TACR1: variants seen among roughly 807,000 people sequenced by gnomAD.
TACR1 encodes tachykinin receptor 1.
In TACR1, 25 loss-of-function variants were observed where a neutral mutation model predicts 35.8. That is an observed-to-expected ratio of 0.70 (90% CI 0.51 to 0.98). TACR1 has a LOEUF of 0.98. Among genes scored for constraint, TACR1 ranks in the 50% least tolerant of loss-of-function variants. The pLI, the probability that TACR1 is intolerant of heterozygous loss-of-function variation, is 0.00. For synonymous variants in TACR1, 195 were observed against 206.7 expected (o/e 0.94, Z 0.48); for missense variants, 478 against 522.9 (o/e 0.91, Z 0.84).
At chr2:75,098,826 A>T (rs990558530) in intron 2 of TACR1, among the ~76,000 whole-genome samples, 1 of 152,018 alleles carries the variant, frequency 6.6e-6, no homozygotes. Flanking sequence ...TTGAAATTTT[A>T]GGAATGTTCT....
chr2:75,153,577 T>C (rs1489066456), intron 1 of TACR1, among the ~76,000 whole-genome samples: 2 of 152,216 alleles, frequency 1.3e-5, no homozygotes, highest in African/African-American at 4.8e-5. Context: ...AAGATTTGTT[T>C]ATAGGATCAG....
chr2:75,159,512 A>G (rs1308772605), intron 1 of TACR1, among the ~76,000 whole-genome samples: 1 of 152,208 alleles, frequency 6.6e-6, no homozygotes, highest in Non-Finnish European at 1.5e-5. Flanking sequence ...AAGAATTTCC[A>G]CTAGCCAAAG....
intron 2 of TACR1, among the ~76,000 whole-genome samples, chr2:75,069,351 A>T (rs1204873627): frequency 6.6e-6 from 1 of 151,408 alleles, no homozygotes. Flanking sequence ...TTTATTTATT[A>T]ATATAGTGAG....
intron 2 of TACR1, among the ~76,000 whole-genome samples, chr2:75,084,138 G>A (rs905927655): frequency 7.9e-5 from 12 of 152,136 alleles, no homozygotes; most frequent in Non-Finnish European, 1.6e-4. Flanking sequence ...TAGCATGAAG[G>A]GCTGTTGAAT....
At chr2:75,109,349 G>A (rs574432866) in intron 2 of TACR1, among the ~76,000 whole-genome samples, 3 of 152,238 alleles carry the variant, frequency 2.0e-5, no homozygotes, top group African/African-American at 7.2e-5. Flanking sequence ...GGGAAGGGCA[G>A]AACCACAGCA....
chr2:75,110,478 C>T (rs1344154104), intron 2 of TACR1, among the ~76,000 whole-genome samples: 4 of 151,624 alleles, frequency 2.6e-5, no homozygotes, highest in South Asian at 2.1e-4. Flanking sequence ...AAAAACATTG[C>T]GTATTAAATT....
intron 1 of TACR1, among the ~76,000 whole-genome samples, chr2:75,161,770 G>A (rs1019970607): frequency 6.6e-6 from 1 of 151,866 alleles, no homozygotes; most frequent in African/African-American, 2.4e-5. Flanking sequence ...GACTCTAAAA[G>A]GTCAGAAGCA....
chr2:75,063,180 G>A (rs187231317), intron 2 of TACR1, among the ~76,000 whole-genome samples: 3 of 152,174 alleles, frequency 2.0e-5, no homozygotes, highest in South Asian at 2.1e-4. Flanking sequence ...TTCACAACAC[G>A]TGGGAATTCA....
At chr2:75,137,793 C>G (rs1247398722) in intron 1 of TACR1, among the ~76,000 whole-genome samples, 1 of 147,474 alleles carries the variant, frequency 6.8e-6, no homozygotes, top group Admixed American at 6.8e-5. Flanking sequence ...CAGGAAGACT[C>G]TTTGGCCCCT....
chr2:75,069,253 G>C (rs1672828451), intron 2 of TACR1, among the ~76,000 whole-genome samples: 2 of 151,552 alleles, frequency 1.3e-5, no homozygotes, highest in African/African-American at 4.9e-5. Flanking sequence ...CGCAGTCTTG[G>C]GTATGTCTTT....
chr2:75,114,363 A>AT (rs1023305081), intron 2 of TACR1, among the ~76,000 whole-genome samples: 2 of 152,102 alleles, frequency 1.3e-5, no homozygotes, highest in African/African-American at 2.4e-5. Context: ...TCTAAATCTC[A>AT]TTTTTTTGGA....
chr2:75,069,310 A>T (rs1015094111), intron 2 of TACR1, among the ~76,000 whole-genome samples: 2 of 139,078 alleles, frequency 1.4e-5, no homozygotes, highest in African/African-American at 5.9e-5. Context: ...ATATATATGT[A>T]TATGTATATC....
chr2:75,128,706 G>A (rs1182025649), intron 1 of TACR1, among the ~76,000 whole-genome samples: 1 of 152,168 alleles, frequency 6.6e-6, no homozygotes, highest in Non-Finnish European at 1.5e-5. Flanking sequence ...CACAATGGAA[G>A]GTGAGTAAAG....
At chr2:75,050,638 G>A (rs1224908888) in intron 4 of TACR1, among the ~76,000 whole-genome samples, 1 of 152,194 alleles carries the variant, frequency 6.6e-6, no homozygotes, top group African/African-American at 2.4e-5. Flanking sequence ...GCCATCTGCA[G>A]GATGGCTCTC....
At chr2:75,176,041 A>G (rs1267321763) in intron 1 of TACR1, among the ~76,000 whole-genome samples, 1 of 150,720 alleles carries the variant, frequency 6.6e-6, no homozygotes, top group African/African-American at 2.4e-5. Context: ...AAGGAAACAG[A>G]AAAAAGAAAC....
At chr2:75,065,286 G>C (rs146038286) in intron 2 of TACR1, among the ~76,000 whole-genome samples, 2 of 152,340 alleles carry the variant, frequency 1.3e-5, no homozygotes, top group East Asian at 3.9e-4. Context: ...TCATGGTGCA[G>C]TTTTCCAGTA....
intron 1 of TACR1, among the ~76,000 whole-genome samples, chr2:75,150,997 A>G (rs1348936071): frequency 6.6e-6 from 1 of 152,206 alleles, no homozygotes; most frequent in African/African-American, 2.4e-5. Flanking sequence ...GATTTGTGGA[A>G]CTTTGAACTT....
At chr2:75,111,071 A>C (rs1673740498) in intron 2 of TACR1, among the ~76,000 whole-genome samples, 2 of 151,918 alleles carry the variant, frequency 1.3e-5, no homozygotes, top group Admixed American at 6.5e-5. Flanking sequence ...ACTCTTATTG[A>C]TAAGTTGCAG....
At chr2:75,183,292 C>G (rs376520676) in intron 1 of TACR1, among the ~76,000 whole-genome samples, 2 of 152,028 alleles carry the variant, frequency 1.3e-5, no homozygotes, top group African/African-American at 2.4e-5. Flanking sequence ...GCTTTTCTTA[C>G]TGTATAGTTT....
Sources: allele counts gnomAD v4.1 joint callset (sites outside exome capture counted in the v4.1 genomes callset), GRCh38; gene constraint gnomAD v4.1.1; transcripts MANE v1.5; gene names NCBI Gene and HGNC (gene_info 2026-07-23, HGNC 2026-07-21).